Variants in POT1 observed in about 807,000 individuals in gnomAD.
POT1 encodes protection of telomeres 1.
Under a neutral mutation model 78.5 loss-of-function variants are expected in POT1, and 47 were observed. The ratio of observed to expected loss-of-function variants is 0.60; its 90% confidence interval spans 0.47 to 0.76. The LOEUF is 0.76. Ranked by LOEUF, POT1 falls within the 30% of genes least tolerant of loss-of-function variation. The pLI is 0.00. For synonymous variants in POT1, 259 were observed against 260.7 expected, an observed-to-expected ratio of 0.99 and a Z score of 0.06; for missense variants, 646 against 749.9, an observed-to-expected ratio of 0.86 and a Z score of 1.62.
chr7:124,827,298 AC>A lies in POT1; in HGVS notation c.1601del (p.Gly534ValfsTer11). On this transcript the variant is annotated frameshift_variant, in exon 17 of 19. Coordinates refer to ENST00000357628, the MANE Select transcript of POT1 (RefSeq NM_015450.3). LOFTEE classifies it high-confidence loss of function. The part of the protein sequence containing the change: ...WIPSSVAEAL[G>X]IVPLQYVFVM... ...CAAACACATATTGGAGGGGTACAAT[AC>A]CCAGTGCTAGTGAAGGAAAAAAAGA... 2 of 1,574,418 alleles carry A rather than the reference AC, an allele frequency of 1.3e-6. No individual in the cohort carries two copies. Among genetic ancestry groups the A allele is most frequent in the Non-Finnish European group, 1.7e-6 (2 of 1,151,652 alleles).
Position 124,856,318 on chromosome 7 carries a change from G to C in POT1, c.702+2639C>G, listed in dbSNP as rs1404454983. Among the ~76,000 whole-genome samples, 3 of 152,126 alleles carry C rather than the reference G, an allele frequency of 2.0e-5. No homozygotes were observed. In the East Asian group the frequency reaches 5.8e-4, roughly 29 times the overall value. Reference sequence around the variant, plus strand: ...AGGTTGTCAGAAAACAAATAAATGTGATGTCAATGTGTATTAAATAAAAAT... The same window carrying C: ...AGGTTGTCAGAAAACAAATAAATGTCATGTCAATGTGTATTAAATAAAAAT... On this transcript the variant is annotated intron_variant, in intron 9 of 18. Transcript: ENST00000357628.
chr7:124,828,842 A>G (rs1429556468), intron 16 of POT1: 1 of 515,604 alleles, frequency 1.9e-6, no homozygotes, highest in Non-Finnish European at 3.9e-6. Context: ...CAAGTGTACA[A>G]ATAAATAGCT....
chr7:124,918,564 G>A (rs1797073065), intron 2 of POT1, among the ~76,000 whole-genome samples: 1 of 152,122 alleles, frequency 6.6e-6, no homozygotes, highest in South Asian at 2.1e-4. Context: ...TACAATGGAA[G>A]TTATTCCATT....
In POT1 at chr7:124,825,331, T is replaced by C. The variant is rs1302219131; in HGVS notation, c.1713A>G (p.Ser571=). ...DSDKFFQIPA[S]EVLMDDDLQK... ...GAAGGTCATCATCCATCAGAACTTC[T>C]GATGCTGGAATCTGGAAGAATTTGT... The change falls in exon 18 of 19, where the codon TCA becomes TCG. Residue 571 remains serine (S), a synonymous_variant. Coordinates refer to ENST00000357628, the MANE Select transcript of POT1 (RefSeq NM_015450.3). 6.2e-7 allele frequency: 1 copy of C among 1,609,302 alleles called. No homozygotes were observed. The highest frequency in any genetic ancestry group is 1.1e-5 in the South Asian group (1 of 89,962).
chr7:124,859,041 A>G lies in POT1; in HGVS notation c.618T>C (p.Asp206=), dbSNP rs1170213047. 1 of 1,611,040 alleles carries G rather than the reference A, an allele frequency of 6.2e-7. No homozygotes were observed. The highest frequency in any genetic ancestry group is 1.7e-5 in the Admixed American group (1 of 59,880). The change falls in exon 9 of 19, where the codon GAT becomes GAC. Residue 206 remains aspartate, a synonymous_variant. Coordinates refer to ENST00000357628, the MANE Select transcript of POT1 (RefSeq NM_015450.3). The stretch of plus-strand genomic sequence containing the variant: ...TTTGTAGCCGATGGATGTGACTTAA[A>G]TCACCTTCAAGAACAAGGTCTTGTA... ...VLIQDLVLEG[D]LSHIHRLQNL... is the part of the protein sequence containing the mutation.
chr7:124,928,349 G>A (rs916879075), intron 2 of POT1, among the ~76,000 whole-genome samples: 2 of 152,122 alleles, frequency 1.3e-5, no homozygotes, highest in Non-Finnish European at 2.9e-5. Flanking sequence ...AGCTTTTAGA[G>A]TAATATCCAA....
intron 2 of POT1, among the ~76,000 whole-genome samples, chr7:124,924,791 C>T (rs553051240): frequency 8.6e-5 from 13 of 151,964 alleles, no homozygotes; most frequent in Middle Eastern, 3.4e-3. Flanking sequence ...ATCTCAGGGA[C>T]GCAAGAATAG....
intron 12 of POT1, 68 bp downstream of exon 12, chr7:124,846,874 G>GT (rs1795180935): frequency 9.3e-7 from 1 of 1,070,916 alleles, no homozygotes; most frequent in Non-Finnish European, 1.4e-6. Context: ...GGATTAGCTG[G>GT]TAAGTGTAGA....
chr7:124,908,082 A>G (rs1796807407), intron 3 of POT1, among the ~76,000 whole-genome samples: 1 of 152,052 alleles, frequency 6.6e-6, no homozygotes, highest in African/African-American at 2.4e-5. Flanking sequence ...AGGGCATTGA[A>G]AATATAAAAT....
chr7:124,832,663 AAC>A (rs1398422682), intron 15 of POT1, among the ~76,000 whole-genome samples: 1 of 151,916 alleles, frequency 6.6e-6, no homozygotes, highest in Admixed American at 6.6e-5. Flanking sequence ...AACAATACGA[AAC>A]AATCAGCCGG....
Position 124,850,081 on chromosome 7 carries a change from T to A in POT1, c.949+1791A>T, listed in dbSNP as rs1162020251. Among the ~76,000 whole-genome samples the A allele has an allele frequency of 2.0e-5, 3 of 151,986 alleles. No individual in the cohort carries two copies. In the East Asian group the frequency reaches 5.8e-4, roughly 29 times the overall value. The stretch of plus-strand genomic sequence containing the variant: ...GAATCATTTTAAAAGGAAAAAGAGA[T>A]TTAAAAAGTATAAAGTATAATTACA... On this transcript the variant is annotated intron_variant, in intron 11 of 18. Coordinates refer to ENST00000357628, the MANE Select transcript of POT1 (RefSeq NM_015450.3).
At chr7:124,912,007 A>G (rs922351100) in intron 3 of POT1, among the ~76,000 whole-genome samples, 3 of 152,286 alleles carry the variant, frequency 2.0e-5, no homozygotes, top group South Asian at 4.1e-4. Flanking sequence ...TCAAGGGCCA[A>G]TAATTAACTG....
At chr7:124,885,735 C>G (rs772234264) in intron 6 of POT1, among the ~76,000 whole-genome samples, 1 of 151,748 alleles carries the variant, frequency 6.6e-6, no homozygotes, top group Non-Finnish European at 1.5e-5. Context: ...CACTGCACTC[C>G]AGCCTGGGTG....
At chr7:124,828,472 T>TAA (rs1270099302) in intron 16 of POT1, among the ~76,000 whole-genome samples, 4 of 152,120 alleles carry the variant, frequency 2.6e-5, no homozygotes, top group African/African-American at 4.8e-5. Context: ...GTATAACTAA[T>TAA]TAACAGGGAA....
chr7:124,877,803 A>G (rs67552763), intron 6 of POT1, among the ~76,000 whole-genome samples: 29,825 of 141,618 alleles, frequency 0.21, 3,573 homozygotes, highest in East Asian at 0.29. Flanking sequence ...ACTGTATTCC[A>G]GCACTCCAGC....
At chr7:124,925,968 A>C (rs1404182184) in intron 2 of POT1, among the ~76,000 whole-genome samples, 1 of 152,182 alleles carries the variant, frequency 6.6e-6, no homozygotes, top group Non-Finnish European at 1.5e-5. Context: ...AAGACGGATT[A>C]AAGATTTGAA....
intron 6 of POT1, among the ~76,000 whole-genome samples, chr7:124,888,396 A>G (rs1368230092): frequency 6.6e-6 from 1 of 152,076 alleles, no homozygotes; most frequent in Admixed American, 6.6e-5. Flanking sequence ...AATTAGAAAG[A>G]GAGAAGCCTC....
intron 6 of POT1, among the ~76,000 whole-genome samples, chr7:124,872,689 C>T (rs962119630): frequency 2.0e-5 from 3 of 152,126 alleles, no homozygotes; most frequent in Non-Finnish European, 4.4e-5. Flanking sequence ...TGGGCAGCTG[C>T]TGGGGGTCTT....
intron 6 of POT1, among the ~76,000 whole-genome samples, chr7:124,878,895 G>A (rs1796053052): frequency 6.6e-6 from 1 of 151,522 alleles, no homozygotes; most frequent in Admixed American, 6.6e-5. Flanking sequence ...GATAAGTAAA[G>A]GTATACCTGA....
Sources: allele counts gnomAD v4.1 joint callset (sites outside exome capture counted in the v4.1 genomes callset), GRCh38; gene constraint gnomAD v4.1.1; transcripts MANE v1.5; gene names NCBI Gene and HGNC (gene_info 2026-07-23, HGNC 2026-07-21).